KDM2B: variants seen among roughly 807,000 people sequenced by gnomAD.
The protein encoded by KDM2B is lysine-specific demethylase 2B.
Under a neutral mutation model 150.0 loss-of-function variants are expected in KDM2B, and 26 were observed. The observed-to-expected ratio is 0.17, with a 90% confidence interval of 0.13 to 0.24. KDM2B has a LOEUF of 0.24. Among genes scored for constraint, KDM2B ranks in the 10% least tolerant of loss-of-function variants. The pLI is 1.00. For synonymous variants in KDM2B, 734 were observed against 729.5 expected, an observed-to-expected ratio of 1.01 and a Z score of -0.10; for missense variants, 1,265 against 1,816.9, an observed-to-expected ratio of 0.70 and a Z score of 5.52.
At chr12:121,443,618 G>C in intron 17 of KDM2B, 62 bp downstream of exon 17, 7 of 939,912 alleles carry the variant, frequency 7.4e-6, no homozygotes, top group Non-Finnish European at 1.2e-5. Flanking sequence ...GGGGTGGGGT[G>C]GGGGACAGCC....
chr12:121,567,179 C>T (rs1890762566), intron 4 of KDM2B, among the ~76,000 whole-genome samples: 1 of 151,950 alleles, frequency 6.6e-6, no homozygotes, highest in African/African-American at 2.4e-5. Context: ...GAGCCACCGC[C>T]CCCCACCTGG....
At chr12:121,444,644 A>C in intron 14 of KDM2B, 108 bp from the exon 15 acceptor site, 5 of 853,014 alleles carry the variant, frequency 5.9e-6, no homozygotes, top group Non-Finnish European at 9.8e-6. Context: ...CCCCTCCCCA[A>C]CGTCACATCT....
chr12:121,500,226 AT>A (rs1884404682), intron 11 of KDM2B, among the ~76,000 whole-genome samples: 1 of 152,102 alleles, frequency 6.6e-6, no homozygotes, highest in Admixed American at 6.5e-5. Flanking sequence ...CCCTGCTTGA[AT>A]TTATACACTC....
rs1395085945 is a variant in KDM2B, at chr12:121,452,024, AG to A, written c.1959+1095del. On this transcript the variant is annotated intron_variant, in intron 13 of 22. Transcript: ENST00000377071. This position sits in a 1 kb window ranked among gnomAD's most constrained non-coding sequence, Gnocchi z 4.4. ...GATGAACCCTGAGGACTTTATGCTC[AG>A]GGCTATAAACAAGCCAATCCAATCA... Among the ~76,000 whole-genome samples, 2 of 152,204 alleles carry A rather than the reference AG, an allele frequency of 1.3e-5. No individual in the cohort carries two copies. Among genetic ancestry groups the A allele is most frequent in the African/African-American group, 2.4e-5 (1 of 41,454 alleles).
chr12:121,553,440 CA>C (rs1889667695), intron 4 of KDM2B, among the ~76,000 whole-genome samples: 1 of 152,100 alleles, frequency 6.6e-6, no homozygotes, highest in Non-Finnish European at 1.5e-5. Context: ...CACTGAAGGC[CA>C]AGCTCAGCTA....
chr12:121,559,625 G>A (rs1033192348), intron 4 of KDM2B, among the ~76,000 whole-genome samples: 1 of 152,240 alleles, frequency 6.6e-6, no homozygotes, highest in East Asian at 1.9e-4. Flanking sequence ...ACCAGGCCAG[G>A]TGCAGTGGCT....
chr12:121,526,572 T>TA (rs36036206), intron 8 of KDM2B, among the ~76,000 whole-genome samples: 2,547 of 150,958 alleles, frequency 0.017, 43 homozygotes, highest in Non-Finnish European at 0.024. Flanking sequence ...TTTATTTGTT[T>TA]AAAAAAAAAT....
rs1891933640 is a variant in KDM2B at position 121,580,956 on chromosome 12, T to C, written c.-45A>G. 4 of 1,606,610 alleles carry C rather than the reference T, an allele frequency of 2.5e-6. No homozygotes were observed. Among genetic ancestry groups the C allele is most frequent in the Non-Finnish European group, 3.4e-6 (4 of 1,177,066 alleles). ...GGCTCAGAAGGAAATTAGCTCGGCT[T>C]CCATACCTATAAGGACTGCCTAACT... On this transcript the variant is annotated 5_prime_UTR_variant, in exon 1 of 23. Coordinates refer to ENST00000377071, the MANE Select transcript of KDM2B (RefSeq NM_032590.5).
intron 12 of KDM2B, among the ~76,000 whole-genome samples, chr12:121,457,001 A>G (rs1171479032): frequency 6.6e-6 from 1 of 152,200 alleles, no homozygotes; most frequent in Non-Finnish European, 1.5e-5. Context: ...AGAGCAACGC[A>G]GGATCCTAAT....
chr12:121,579,770 C>A lies in KDM2B; in HGVS notation c.127-824G>T, dbSNP rs1891807928. The A allele has an allele frequency of 1.4e-5, 20 of 1,381,194 alleles. No homozygotes were observed. The Admixed American group carries it at 3.3e-4, about 23-fold the overall frequency. 85.6% of individuals were successfully genotyped at this position (1,381,194 alleles called of 1,614,324 possible). A position where few individuals can be genotyped will look rare whatever the true frequency, so the allele number is the denominator to read the frequency against. ...GGCGAACCCCGAGCCCGCTCAGCCC[C>A]CCTCCACGCCTTTCCCCGATACCAC... On this transcript the variant is annotated intron_variant, in intron 1 of 22. Transcript: ENST00000377071.
chr12:121,570,332 G>C (rs369064459), intron 4 of KDM2B, among the ~76,000 whole-genome samples: 4 of 152,036 alleles, frequency 2.6e-5, no homozygotes, highest in African/African-American at 9.7e-5. Context: ...GATTCCAAGC[G>C]TGAGCCACTG....
At chr12:121,581,694 G>A (rs1236762236), upstream of KDM2B, among the ~76,000 whole-genome samples, 1 of 152,182 alleles carries the variant, frequency 6.6e-6, no homozygotes, top group African/African-American at 2.4e-5. Flanking sequence ...GGGATACTTG[G>A]AGCAGGTCAT....
intron 8 of KDM2B, among the ~76,000 whole-genome samples, chr12:121,524,211 CCCTT>C (rs1555306387): frequency 6.6e-6 from 1 of 152,186 alleles, no homozygotes; most frequent in East Asian, 1.9e-4. Flanking sequence ...CCACTCCCCT[CCCTT>C]CTGGGGAACT....
intron 12 of KDM2B, among the ~76,000 whole-genome samples, chr12:121,474,441 G>A (rs782342267): frequency 3.0e-4 from 45 of 151,752 alleles, no homozygotes; most frequent in African/African-American, 9.0e-4. Context: ...GCGTGAACCC[G>A]GGGGGCAGAG....
In KDM2B at chr12:121,537,854, C is replaced by T. The variant is rs1888274023; in HGVS notation, c.684-3264G>A. Among the ~76,000 whole-genome samples, 1 of 151,706 alleles carries T rather than the reference C, an allele frequency of 6.6e-6. No individual in the cohort carries two copies. Among genetic ancestry groups the T allele is most frequent in the East Asian group, 1.9e-4 (1 of 5,170 alleles). ...GCCCGCGGGCGGGAGGCCACCCACA[C>T]CCGCCCCGCGCAGCGCCACAAAGGA... On this transcript the variant is annotated intron_variant, in intron 6 of 22. Transcript: ENST00000377071. The surrounding 1 kb of genome is among the most constrained non-coding windows in gnomAD (Gnocchi z 8.7).
intron 1 of KDM2B, 116 bp from the exon 2 acceptor site, chr12:121,579,062 T>C (rs1043585029): frequency 4.6e-5 from 53 of 1,155,386 alleles, no homozygotes; most frequent in Non-Finnish European, 5.4e-5. Context: ...CACCCCACCA[T>C]TGCAACCCAA....
the KDM2B span, among the ~76,000 whole-genome samples, chr12:121,415,846 T>G: frequency 6.7e-6 from 1 of 149,762 alleles, no homozygotes. Flanking sequence ...CAGTCTTTTT[T>G]TTTTTTTTTT....
the KDM2B span, among the ~76,000 whole-genome samples, chr12:121,413,223 CGCCATG>C: frequency 8.6e-5 from 13 of 151,780 alleles, no homozygotes; most frequent in Non-Finnish European, 1.9e-4. Flanking sequence ...GACGGCGTTT[CGCCATG>C]TTGTCCAGGC....
At chr12:121,455,449 C>T (rs1878069345) in intron 12 of KDM2B, among the ~76,000 whole-genome samples, 2 of 152,204 alleles carry the variant, frequency 1.3e-5, no homozygotes. Flanking sequence ...CGGTGGCTCA[C>T]GCCTATAAGC....
Sources: allele counts gnomAD v4.1 joint callset (sites outside exome capture counted in the v4.1 genomes callset), GRCh38; gene constraint gnomAD v4.1.1; non-coding constraint Gnocchi (gnomAD v3.1); transcripts MANE v1.5; gene names NCBI Gene and HGNC (gene_info 2026-07-23, HGNC 2026-07-21).